Variants in ST18 observed in about 807,000 individuals in gnomAD.
ST18 encodes the protein ST18 C2H2C-type zinc finger transcription factor.
Under a neutral mutation model 110.0 loss-of-function variants are expected in ST18, and 50 were observed. The ratio of observed to expected loss-of-function variants is 0.45; its 90% CI spans 0.36 to 0.58. The LOEUF (loss-of-function observed/expected upper bound fraction) is 0.58, where lower values mean the gene tolerates loss of function less well. Ranked by LOEUF, ST18 falls within the 20% of genes least tolerant of loss-of-function variation. The probability of loss-of-function intolerance (pLI) is 0.00; values close to 1 mark genes in which losing one functional copy is unlikely to be tolerated. For missense variants in ST18, 1,306 were observed against 1,280.1 expected, an observed-to-expected ratio of 1.02 and a Z score of -0.31; for synonymous variants, 461 against 452.4, an observed-to-expected ratio of 1.02 and a Z score of -0.24.
At position 52,149,645 on chromosome 8, in the gene ST18, T is replaced by G. The variant is rs116145813; in HGVS notation, c.2052+87A>C. 2,067 of 1,490,766 alleles carry G rather than the reference T, an allele frequency of 1.4e-3. 6 individuals carry two copies. Among genetic ancestry groups the G allele is most frequent in the Middle Eastern group, 0.012 (69 of 5,562 alleles). 92.3% of individuals were successfully genotyped at this position (1,490,766 alleles called of 1,614,324 possible). ...GAATTATGTATTATCTAAACAGGAA[T>G]GTGAAATATAATTTAGGAGGGAAAA... On this transcript the variant is annotated intron_variant, in intron 16 of 25. Transcript: ENST00000689386.
intron 22 of ST18, among the ~76,000 whole-genome samples, chr8:52,128,709 G>A (rs992837546): frequency 1.3e-5 from 2 of 152,140 alleles, no homozygotes; most frequent in African/African-American, 4.8e-5. Context: ...GGCCCATGGT[G>A]AGGACCCATC....
chr8:52,306,604 G>A (rs1489775436), intron 2 of ST18, among the ~76,000 whole-genome samples: 1 of 152,202 alleles, frequency 6.6e-6, no homozygotes, highest in African/African-American at 2.4e-5. Flanking sequence ...TGTATAGTAG[G>A]TGAATTAATC....
intron 3 of ST18, among the ~76,000 whole-genome samples, chr8:52,225,173 C>G (rs896831955): frequency 1.3e-5 from 2 of 152,200 alleles, no homozygotes; most frequent in African/African-American, 4.8e-5. Context: ...AGCTCTGAAG[C>G]AATTGCAATA....
chr8:52,126,518 AT>A (rs1239859787), intron 22 of ST18, among the ~76,000 whole-genome samples: 1 of 152,210 alleles, frequency 6.6e-6, no homozygotes, highest in East Asian at 1.9e-4. Flanking sequence ...ATTGTTCCCA[AT>A]TAGTCAAAAT....
intron 2 of ST18, among the ~76,000 whole-genome samples, chr8:52,295,627 C>G (rs2095620985): frequency 6.6e-6 from 1 of 151,686 alleles, no homozygotes; most frequent in Admixed American, 6.6e-5. Context: ...GTTTTAGTAC[C>G]TCTTTAGTAA....
chr8:52,125,472 A>G (rs777743401), intron 23 of ST18, among the ~76,000 whole-genome samples: 2 of 152,070 alleles, frequency 1.3e-5, no homozygotes, highest in African/African-American at 4.8e-5. Context: ...AACTTCCACT[A>G]GTGTATCTTT....
At position 52,153,302 on chromosome 8, in the gene ST18, T is replaced by C. The variant is rs563287068; in HGVS notation, c.1807-3325A>G. Among the ~76,000 whole-genome samples, 10 of 152,370 alleles carry C rather than the reference T, an allele frequency of 6.6e-5. 1 individual carries two copies. In the South Asian group the frequency reaches 1.9e-3, roughly 28 times the overall value. ...ACAGGATGGGTCACCTGCCATTTTT[T>C]CCCTGTTGACTTGGCTGAGAGGAAG... is the stretch of plus-strand genomic sequence containing the variant. On this transcript the variant is annotated intron_variant, in intron 15 of 25. Transcript: ENST00000689386.
At chr8:52,352,675 C>A (rs563725515) in intron 2 of ST18, among the ~76,000 whole-genome samples, 2 of 152,116 alleles carry the variant, frequency 1.3e-5, no homozygotes, top group Non-Finnish European at 1.5e-5. Flanking sequence ...TGGGCACTAG[C>A]GACACTCATG....
chr8:52,113,954 G>GTTTTTTTTT lies in ST18; in HGVS notation c.3004-625_3004-617dup, dbSNP rs1158213340. Among the ~76,000 whole-genome samples the GTTTTTTTTT allele has an allele frequency of 6.2e-3, 281 of 45,446 alleles. 98 individuals are homozygous for GTTTTTTTTT. The highest frequency in any genetic ancestry group is 8.9e-3 in the Non-Finnish European group (236 of 26,494). 29.8% of individuals were successfully genotyped at this position (45,446 alleles called of 152,430 possible). ...CAAAGTTTAAATTTATTCATACCGT[G>GTTTTTTTTT]TTTTTTTTTTTTTTTTTTTTTTTTT... On this transcript the variant is annotated intron_variant, in intron 25 of 25. Transcript: ENST00000689386.
chr8:52,308,244 G>T (rs1268869946), intron 2 of ST18, among the ~76,000 whole-genome samples: 1 of 152,192 alleles, frequency 6.6e-6, no homozygotes, highest in African/African-American at 2.4e-5. Context: ...TCGGCTGTGA[G>T]CAAAAGTGCC....
intron 2 of ST18, among the ~76,000 whole-genome samples, chr8:52,268,499 C>G (rs1434505921): frequency 6.7e-6 from 1 of 148,376 alleles, no homozygotes. Flanking sequence ...ATCTATCTAT[C>G]TATCTATCTA....
At chr8:52,346,595 T>A (rs2140269006) in intron 2 of ST18, among the ~76,000 whole-genome samples, 1 of 152,286 alleles carries the variant, frequency 6.6e-6, no homozygotes, top group African/African-American at 2.4e-5. Flanking sequence ...TAAAGCCAAC[T>A]GTAAAGCAAT....
At chr8:52,270,680 C>G (rs1263917283) in intron 2 of ST18, among the ~76,000 whole-genome samples, 1 of 151,974 alleles carries the variant, frequency 6.6e-6, no homozygotes, top group African/African-American at 2.4e-5. Flanking sequence ...CTTTGAAAAA[C>G]GCATCTTCCA....
At chr8:52,375,642 C>A (rs1832047058) in intron 2 of ST18, among the ~76,000 whole-genome samples, 1 of 152,158 alleles carries the variant, frequency 6.6e-6, no homozygotes, top group African/African-American at 2.4e-5. Context: ...TCCTCTTTAT[C>A]CTCAATGCCA....
Position 52,143,179 on chromosome 8 carries a change from G to C in ST18, c.2053-134C>G, listed in dbSNP as rs10095274. On this transcript the variant is annotated intron_variant, in intron 16 of 25. Coordinates refer to ENST00000689386, the MANE Select transcript of ST18 (RefSeq NM_001352837.2). ...TGGACTTGGCTGAAATACCTTAGAG[G>C]ATTTGCATAAGAAATAAATAATATA... The C allele has an allele frequency of 3.0e-3, 1,852 of 626,326 alleles. 26 individuals are homozygous for C. In the African/African-American group the frequency reaches 0.031, roughly 10 times the overall value. 38.8% of individuals were successfully genotyped at this position (626,326 alleles called of 1,614,324 possible).
intron 2 of ST18, among the ~76,000 whole-genome samples, chr8:52,382,802 A>G (rs1364963214): frequency 1.3e-5 from 2 of 151,786 alleles, no homozygotes; most frequent in Non-Finnish European, 2.9e-5. Context: ...TGCCTCATGA[A>G]AGAGAAACTG....
chr8:52,124,180 AT>A (rs11299061), intron 23 of ST18, among the ~76,000 whole-genome samples: 42,624 of 147,578 alleles, frequency 0.29, 7,019 homozygotes, highest in African/African-American at 0.46. Context: ...TTTTGAATTA[AT>A]TTTTTTTTTT....
chr8:52,307,607 A>T (rs2095836194), intron 2 of ST18, among the ~76,000 whole-genome samples: 1 of 152,192 alleles, frequency 6.6e-6, no homozygotes, highest in Non-Finnish European at 1.5e-5. Context: ...ATTTAGAAAA[A>T]GTAAGAAAAA....
intron 8 of ST18, among the ~76,000 whole-genome samples, chr8:52,208,363 G>A (rs1482824327): frequency 6.6e-6 from 1 of 152,170 alleles, no homozygotes; most frequent in Non-Finnish European, 1.5e-5. Flanking sequence ...ACACAGTTGT[G>A]CTGGATCACA....
Sources: allele counts gnomAD v4.1 joint callset (sites outside exome capture counted in the v4.1 genomes callset), GRCh38; gene constraint gnomAD v4.1.1; transcripts MANE v1.5; gene names NCBI Gene and HGNC (gene_info 2026-07-23, HGNC 2026-07-21).